The following NMI variants were observed in gnomAD, a reference collection of about 807,000 sequenced individuals.
NMI encodes the protein N-myc and STAT interactor, also known as N-myc-interactor.
NMI carries 39 observed loss-of-function variants against 34.3 expected under a neutral mutation model. The ratio of observed to expected loss-of-function variants is 1.14; its 90% confidence interval spans 0.88 to 1.49. The LOEUF is 1.49. Among genes scored for constraint, NMI ranks in the 40% most tolerant of loss-of-function variants. The probability of loss-of-function intolerance (pLI) is 0.00; values close to 1 mark genes in which losing one functional copy is unlikely to be tolerated. For missense variants in NMI, 339 were observed against 358.1 expected, an observed-to-expected ratio of 0.95 and a Z score of 0.43; for synonymous variants, 113 against 120.3, an observed-to-expected ratio of 0.94 and a Z score of 0.40.
chr2:151,281,057 C>G (rs1359744937), intron 3 of NMI, among the ~76,000 whole-genome samples: 1 of 151,952 alleles, frequency 6.6e-6, no homozygotes, highest in African/African-American at 2.4e-5. Context: ...CCAGGCTGGT[C>G]GTGAATTCCT....
At position 151,282,008 on chromosome 2, in the gene NMI, T is replaced by C. The variant is rs3771886; in HGVS notation, c.117A>G (p.Gln39=). ...CAAGCTTTTGGATCTCCTTCTTTAG[T>C]TGAATATTTTTCTTTGTAATTTCAT... The part of the protein sequence containing the change: ...LIDEITKKNI[Q]LKKEIQKLET... Residue 39 remains glutamine, a synonymous_variant, in exon 3 of 8, where the codon CAA becomes CAG. Coordinates refer to ENST00000243346, the MANE Select transcript of NMI (RefSeq NM_004688.3). The C allele has an allele frequency of 0.57, 880,235 of 1,530,844 alleles. 256,080 individuals are homozygous for C. The highest frequency in any genetic ancestry group is 0.69 in the Admixed American group (40,219 of 58,370). The allele number at this position is 1,530,844 out of a possible 1,614,324, so 94.8% of individuals were successfully genotyped here.
chr2:151,279,040 A>G, intron 3 of NMI, 50 bp from the exon 4 acceptor site: 2 of 1,247,956 alleles, frequency 1.6e-6, no homozygotes, highest in Non-Finnish European at 2.3e-6. Context: ...AAATAACTTA[A>G]GTCCTTCCAA....
intron 4 of NMI, 128 bp downstream of exon 4, chr2:151,278,699 AC>A: frequency 1.4e-6 from 1 of 706,620 alleles, no homozygotes; most frequent in Non-Finnish European, 2.3e-6. Context: ...GAATAATCAT[AC>A]CTGCCTCAGA....
At chr2:151,280,149 C>T (rs998330888) in intron 3 of NMI, among the ~76,000 whole-genome samples, 4 of 148,286 alleles carry the variant, frequency 2.7e-5, no homozygotes, top group African/African-American at 1.0e-4. Flanking sequence ...GAACCGAGAT[C>T]GCACCATTGC....
Position 151,278,986 on chromosome 2 carries a change from TTAATC to T in NMI, c.178-1_181del. 1 of 1,586,218 alleles carries T rather than the reference TTAATC, an allele frequency of 6.3e-7. No individual in the cohort carries two copies. The highest frequency in any genetic ancestry group is 2.2e-5 in the East Asian group (1 of 44,552). On this transcript the variant is annotated splice_acceptor_variant and coding_sequence_variant, in exon 4 of 8. Coordinates refer to ENST00000243346, the MANE Select transcript of NMI (RefSeq NM_004688.3). LOFTEE classifies it high-confidence loss of function. ...CATCTTTGTTTCAGGAATATCCTCTTTAATCTAATCCAAATGAAAATGTTTGATTA... is the reference window on the plus strand; with the variant it reads ...CATCTTTGTTTCAGGAATATCCTCTTTAATCCAAATGAAAATGTTTGATTA...
intron 1 of NMI, among the ~76,000 whole-genome samples, chr2:151,283,284 G>A (rs1192902513): frequency 2.0e-5 from 3 of 152,036 alleles, no homozygotes; most frequent in Admixed American, 6.6e-5. Flanking sequence ...TGGGATTACA[G>A]GTACCTGCCA....
intron 1 of NMI, among the ~76,000 whole-genome samples, chr2:151,284,957 C>A (rs1397153738): frequency 6.6e-6 from 1 of 152,096 alleles, no homozygotes; most frequent in African/African-American, 2.4e-5. Flanking sequence ...CGCATAACAC[C>A]CAGATCTTGG....
At chr2:151,285,248 T>A (rs1027238069) in intron 1 of NMI, among the ~76,000 whole-genome samples, 20 of 152,140 alleles carry the variant, frequency 1.3e-4, no homozygotes, top group Non-Finnish European at 7.3e-5. Flanking sequence ...TTTTTCACCG[T>A]CAGAGAAGAT....
chr2:151,289,346 T>C (rs929222236), intron 1 of NMI, among the ~76,000 whole-genome samples: 1 of 150,788 alleles, frequency 6.6e-6, no homozygotes, highest in Non-Finnish European at 1.5e-5. Context: ...AGCAAACAAG[T>C]GACAAGGCTC....
At chr2:151,282,760 C>A in intron 2 of NMI, 108 bp downstream of exon 2, 2 of 553,246 alleles carry the variant, frequency 3.6e-6, no homozygotes, top group Middle Eastern at 4.6e-4. Context: ...AGCCTAACGG[C>A]CTCCCAAATT....
chr2:151,284,942 A>G (rs1355411506), intron 1 of NMI, among the ~76,000 whole-genome samples: 1 of 152,232 alleles, frequency 6.6e-6, no homozygotes, highest in African/African-American at 2.4e-5. Context: ...AAAAAAGAGG[A>G]GAGTCGCATA....
chr2:151,284,016 T>C (rs4665159), intron 1 of NMI, among the ~76,000 whole-genome samples: 90,542 of 152,076 alleles, frequency 0.6, 27,221 homozygotes, highest in Admixed American at 0.66. Flanking sequence ...TATATATCAC[T>C]ATATCAAACA....
intron 1 of NMI, among the ~76,000 whole-genome samples, chr2:151,285,425 A>G (rs1373065936): frequency 6.6e-6 from 1 of 152,028 alleles, no homozygotes; most frequent in Non-Finnish European, 1.5e-5. Flanking sequence ...ACAGATAGAA[A>G]TACCTATGTG....
intron 4 of NMI, among the ~76,000 whole-genome samples, chr2:151,277,040 G>C (rs1683303440): frequency 6.6e-6 from 1 of 152,118 alleles, no homozygotes; most frequent in Non-Finnish European, 1.5e-5. Flanking sequence ...TTGATATTTG[G>C]GGCTGCTATT....
rs762967749 is a variant in NMI, at chr2:151,280,989, C to T, written c.177+959G>A. Among the ~76,000 whole-genome samples the T allele has an allele frequency of 3.9e-4, 60 of 151,930 alleles. 1 individual carries two copies. Among genetic ancestry groups the T allele is most frequent in the Non-Finnish European group, 1.5e-4 (10 of 67,984 alleles). ...CCCAAGTAGCTGGGATACAGGCACCCGCCACCATGCCTGGCTAATTTTTCT... is the reference window on the plus strand; with the variant it reads ...CCCAAGTAGCTGGGATACAGGCACCTGCCACCATGCCTGGCTAATTTTTCT... On this transcript the variant is annotated intron_variant, in intron 3 of 7. Transcript: ENST00000243346.
At chr2:151,280,176 C>T (rs373198470) in intron 3 of NMI, among the ~76,000 whole-genome samples, 4 of 94,478 alleles carry the variant, frequency 4.2e-5, no homozygotes, top group Admixed American at 1.3e-4. Context: ...GCCTGGGCAA[C>T]AAGAACAAAA....
rs1323906345 is a variant in NMI at position 151,282,709 on chromosome 2, T to A, written c.81+159A>T. On this transcript the variant is annotated intron_variant, in intron 2 of 7. Transcript: ENST00000243346. ...AAGAATAAAAATATGACACTTCTTG[T>A]AAGGCTTAAATAACATAATGGAAGT... 3 of 435,194 alleles carry A rather than the reference T, an allele frequency of 6.9e-6. No individual in the cohort carries two copies. The East Asian group carries it at 1.2e-4, about 17-fold the overall frequency. The allele number at this position is 435,194 out of a possible 1,614,324, so 27.0% of individuals were successfully genotyped here. A position where few individuals can be genotyped will look rare whatever the true frequency, so the allele number is the denominator to read the frequency against.
chr2:151,283,273 T>C (rs12617669), intron 1 of NMI, among the ~76,000 whole-genome samples: 91,079 of 151,798 alleles, frequency 0.6, 27,604 homozygotes, highest in Admixed American at 0.67. Flanking sequence ...TCCCAAGTAG[T>C]TGGGATTACA....
chr2:151,272,021 A>G (rs1683197317), intron 6 of NMI, among the ~76,000 whole-genome samples: 1 of 152,230 alleles, frequency 6.6e-6, no homozygotes, highest in Non-Finnish European at 1.5e-5. Context: ...TTTGAGCTAT[A>G]AAAAATACCA....
Sources: gnomAD v4.1 joint callset for allele counts (sites outside exome capture counted in the v4.1 genomes callset) on GRCh38, gnomAD v4.1.1 for gene constraint, MANE v1.5 for transcripts, NCBI Gene and HGNC (gene_info 2026-07-23, HGNC 2026-07-21) for gene names.